ZNF804B: variants seen among roughly 807,000 people sequenced by gnomAD.
The protein encoded by ZNF804B is zinc finger protein 804B.
A neutral mutation model predicts 101.4 loss-of-function variants in ZNF804B; 80 were observed. The ratio of observed to expected loss-of-function variants is 0.79; its 90% confidence interval spans 0.66 to 0.95. The LOEUF is 0.95. Among genes scored for constraint, ZNF804B ranks in the 40% least tolerant of loss-of-function variants. ZNF804B has a pLI of 0.00. For synonymous variants in ZNF804B, 622 were observed against 558.8 expected (o/e 1.11, Z -1.59); for missense variants, 1,673 against 1,561.9 (o/e 1.07, Z -1.20).
chr7:88,919,255 G>A (rs1268570720), intron 1 of ZNF804B, among the ~76,000 whole-genome samples: 1 of 152,080 alleles, frequency 6.6e-6, no homozygotes, highest in Non-Finnish European at 1.5e-5. Context: ...AAGAAGTGTA[G>A]TGAAAATAAA....
chr7:89,274,939 T>C (rs2115849452), intron 2 of ZNF804B, among the ~76,000 whole-genome samples: 1 of 152,004 alleles, frequency 6.6e-6, no homozygotes, highest in South Asian at 2.1e-4. Context: ...TATCCTTATT[T>C]ATCCTTAGTA....
intron 1 of ZNF804B, among the ~76,000 whole-genome samples, chr7:88,764,707 A>T (rs998503080): frequency 6.6e-6 from 1 of 152,118 alleles, no homozygotes; most frequent in Non-Finnish European, 1.5e-5. Flanking sequence ...ATAATATCTG[A>T]CTGTGTATAT....
At chr7:88,861,139 C>T (rs925062712) in intron 1 of ZNF804B, among the ~76,000 whole-genome samples, 1 of 152,066 alleles carries the variant, frequency 6.6e-6, no homozygotes, top group South Asian at 2.1e-4. Context: ...TGCTAGAGAA[C>T]ATAAAGATGA....
intron 1 of ZNF804B, among the ~76,000 whole-genome samples, chr7:89,090,678 C>G (rs1183468135): frequency 6.6e-6 from 1 of 152,036 alleles, no homozygotes; most frequent in African/African-American, 2.4e-5. Context: ...GGACTTTGGA[C>G]TGCCTAGCCA....
At chr7:89,296,601 A>G (rs111805984) in intron 2 of ZNF804B, among the ~76,000 whole-genome samples, 2,892 of 152,144 alleles carry the variant, frequency 0.019, 78 homozygotes, top group African/African-American at 0.066. Context: ...TACAAAATAC[A>G]TAGGAGATCT....
rs372981179 is a variant in ZNF804B, at chr7:89,132,688, C to A, written c.109-85467C>A. 8.5e-5 allele frequency among the ~76,000 whole-genome samples: 13 copies of A among 152,086 alleles called. No homozygotes were observed. In the East Asian group the frequency reaches 2.3e-3, roughly 27 times the overall value. On this transcript the variant is annotated intron_variant, in intron 1 of 3. Transcript: ENST00000333190. ...TATAAACTTATGCTAGGACTCAGTA[C>A]CTAGAAAGCATCCAACAATATTGTT... is the stretch of plus-strand genomic sequence containing the variant.
rs1347895559 is a variant in ZNF804B at position 89,279,746 on chromosome 7, C to T, written c.250-47598C>T. ...AAGCTTTTTGATGTGCTGCTGGATT[C>T]GGTTTGCCAGTATTTTATTGAGGAT... On this transcript the variant is annotated intron_variant, in intron 2 of 3. Coordinates refer to ENST00000333190, the MANE Select transcript of ZNF804B (RefSeq NM_181646.5). Among the ~76,000 whole-genome samples, 4 of 151,974 alleles carry T rather than the reference C, an allele frequency of 2.6e-5. No homozygotes were observed. In the South Asian group the frequency reaches 6.3e-4, roughly 24 times the overall value.
chr7:89,206,261 T>C (rs995635277), intron 1 of ZNF804B, among the ~76,000 whole-genome samples: 2 of 149,028 alleles, frequency 1.3e-5, no homozygotes, highest in Non-Finnish European at 3.0e-5. Flanking sequence ...CCTGGAGAGG[T>C]TTTTCCCATG....
At chr7:89,067,798 C>A (rs1211326344) in intron 1 of ZNF804B, among the ~76,000 whole-genome samples, 4 of 151,054 alleles carry the variant, frequency 2.6e-5, no homozygotes, top group Non-Finnish European at 5.9e-5. Context: ...GGCACATTTC[C>A]AAACTATGCT....
At chr7:89,007,252 T>G (rs749615849) in intron 1 of ZNF804B, among the ~76,000 whole-genome samples, 52 of 151,784 alleles carry the variant, frequency 3.4e-4, no homozygotes, top group Non-Finnish European at 7.4e-4. Flanking sequence ...TTCCATCTCT[T>G]AATTACATTT....
intron 1 of ZNF804B, among the ~76,000 whole-genome samples, chr7:89,019,655 C>G (rs140475378): frequency 6.6e-6 from 1 of 151,912 alleles, no homozygotes; most frequent in East Asian, 1.9e-4. Context: ...AAATCTGGAC[C>G]CTCCAATGTT....
At chr7:88,881,802 T>C (rs1478087451) in intron 1 of ZNF804B, among the ~76,000 whole-genome samples, 1 of 152,202 alleles carries the variant, frequency 6.6e-6, no homozygotes, top group Non-Finnish European at 1.5e-5. Context: ...TCACTGAGAA[T>C]ACTACATTAC....
intron 1 of ZNF804B, among the ~76,000 whole-genome samples, chr7:89,166,377 A>G (rs1257267753): frequency 1.3e-5 from 2 of 152,212 alleles, no homozygotes; most frequent in African/African-American, 4.8e-5. Context: ...ACAATATATT[A>G]ACACATATTT....
At chr7:88,979,336 C>T (rs78031542) in intron 1 of ZNF804B, among the ~76,000 whole-genome samples, 200 of 151,944 alleles carry the variant, frequency 1.3e-3, no homozygotes, top group African/African-American at 4.7e-3. Flanking sequence ...GATTGAAGTA[C>T]TCTCTTTAGC....
intron 2 of ZNF804B, among the ~76,000 whole-genome samples, chr7:89,264,852 T>C (rs142305262): frequency 1.3e-5 from 2 of 152,350 alleles, no homozygotes; most frequent in African/African-American, 4.8e-5. Flanking sequence ...ATCTTTATTT[T>C]TGACATCTTC....
At chr7:89,144,790 C>T (rs893505797) in intron 1 of ZNF804B, among the ~76,000 whole-genome samples, 2 of 151,948 alleles carry the variant, frequency 1.3e-5, no homozygotes, top group Admixed American at 1.3e-4. Context: ...CAAAATGTCA[C>T]ATTGTATCCT....
At chr7:88,947,248 A>G (rs1411811330) in intron 1 of ZNF804B, among the ~76,000 whole-genome samples, 1 of 152,060 alleles carries the variant, frequency 6.6e-6, no homozygotes, top group African/African-American at 2.4e-5. Context: ...CACAATAGCA[A>G]AGACTTGGAA....
intron 1 of ZNF804B, among the ~76,000 whole-genome samples, chr7:88,999,216 A>G (rs983477515): frequency 6.6e-6 from 1 of 152,050 alleles, no homozygotes; most frequent in African/African-American, 2.4e-5. Context: ...TTTCTTACTG[A>G]AAATATTTAA....
In ZNF804B at chr7:88,868,386, T is replaced by TACTCA. The variant is rs1441357888; in HGVS notation, c.108+108303_108+108304insCTCAA. 1.6e-4 allele frequency among the ~76,000 whole-genome samples: 24 copies of TACTCA among 152,342 alleles called. No individual in the cohort carries two copies. In the South Asian group the frequency reaches 2.5e-3, roughly 16 times the overall value. On this transcript the variant is annotated intron_variant, in intron 1 of 3. Transcript: ENST00000333190. Reference sequence around the variant, plus strand: ...AGGACAGAATAAAGGTATTTGAGTATAATATGTAATCTATTATTTTCTCAT... The same window carrying TACTCA: ...AGGACAGAATAAAGGTATTTGAGTATACTCAAATATGTAATCTATTATTTTCTCAT...
Sources: allele counts gnomAD v4.1 joint callset (sites outside exome capture counted in the v4.1 genomes callset), GRCh38; gene constraint gnomAD v4.1.1; transcripts MANE v1.5; gene names NCBI Gene and HGNC (gene_info 2026-07-23, HGNC 2026-07-21).